The following CXXC1 variants were observed in gnomAD, a reference collection of about 807,000 sequenced individuals.
The protein encoded by CXXC1 is CXXC finger protein 1.
A neutral mutation model predicts 83.6 loss-of-function variants in CXXC1; 21 were observed. The observed-to-expected ratio is 0.25, with a 90% confidence interval of 0.18 to 0.36. CXXC1 has a LOEUF of 0.36. Ranked by LOEUF, CXXC1 falls within the 10% of genes least tolerant of loss-of-function variation. CXXC1 has a pLI of 1.00. For missense variants in CXXC1, 688 were observed against 919.5 expected (o/e 0.75, Z 3.26); for synonymous variants, 371 against 337.5 (o/e 1.10, Z -1.09).
At chr18:50,286,883 C>A in intron 1 of CXXC1, 25 bp from the exon 2 acceptor site, 1 of 1,512,380 alleles carries the variant, frequency 6.6e-7, no homozygotes, top group Non-Finnish European at 9.2e-7. Flanking sequence ...CATTACGGAT[C>A]CTTAAGCAGC....
chr18:50,286,270 G>C lies in CXXC1; in HGVS notation c.224-13C>G, dbSNP rs761035877. 1 of 1,588,646 alleles carries C rather than the reference G, an allele frequency of 6.3e-7. No homozygotes were observed. ...TTGGGGTCTTTCTCTGTGGGGCAGAGAGTAGGGCCAAAGTGAGTGAGCACT... is the reference window on the plus strand; with the variant it reads ...TTGGGGTCTTTCTCTGTGGGGCAGACAGTAGGGCCAAAGTGAGTGAGCACT... On this transcript the variant is annotated splice_polypyrimidine_tract_variant and intron_variant, in intron 3 of 14. Transcript: ENST00000285106.
Position 50,286,337 on chromosome 18 carries a change from C to T in CXXC1, c.224-80G>A, listed in dbSNP as rs1038071656. The T allele has an allele frequency of 6.7e-6, 9 of 1,349,476 alleles. No individual in the cohort carries two copies. In the African/African-American group the frequency reaches 1.2e-4, roughly 17 times the overall value. The allele number at this position is 1,349,476 out of a possible 1,614,324, so 83.6% of individuals were successfully genotyped here. A position where few individuals can be genotyped will look rare whatever the true frequency, so the allele number is the denominator to read the frequency against. On this transcript the variant is annotated intron_variant, in intron 3 of 14. Transcript: ENST00000285106. ...CCCAAAACCTCTTTCTTCCTCTTCG[C>T]TCCCTTACTGACCCACCCACCTACT...
rs1209551947 is a variant in CXXC1, at chr18:50,285,767, C to T, written c.621G>A (p.Gln207=). ...NKIRQKCRLR[Q]CQLRARESYK... is the part of the protein sequence containing the mutation. ...TGCTCACCCGGGCCCGCAGCTGGCA[C>T]TGGCGCAGCCGGCACTTCTGCCGGA... The change falls in exon 5 of 15, where the codon CAG becomes CAA. Residue 207 remains glutamine (Q), a synonymous_variant. Transcript: ENST00000285106. This position sits in a 1 kb window ranked among gnomAD's most constrained non-coding sequence, Gnocchi z 4.4. The T allele has an allele frequency of 1.9e-6, 3 of 1,613,450 alleles. No individual in the cohort carries two copies. The African/African-American group carries it at 4.0e-5, about 22-fold the overall frequency.
At chr18:50,283,397 G>C (rs767485856) in intron 12 of CXXC1, 36 bp from the exon 13 acceptor site, 2 of 1,602,000 alleles carry the variant, frequency 1.2e-6, no homozygotes, top group African/African-American at 2.7e-5. Context: ...GTAGAGGGAG[G>C]GAAGGGAGGT....
rs1285935860 is a variant in CXXC1 at position 50,286,839 on chromosome 18, G to A, written c.23C>T (p.Pro8Leu). The A allele has an allele frequency of 6.2e-7, 1 of 1,613,512 alleles. No homozygotes were observed. Among genetic ancestry groups the A allele is most frequent in the Non-Finnish European group, 8.5e-7 (1 of 1,179,542 alleles). The part of the protein sequence containing the change: MEGDGSD[P>L]EPPDAGEDSK... The stretch of plus-strand genomic sequence containing the variant: ...GTCCTCCCCGGCATCTGGAGGCTCT[G>A]GGTCTGAACCATCTCCCTCCTGCAG... The change falls in exon 2 of 15, where the codon CCA (proline) becomes CTA (leucine). Residue 8 changes from proline (P) to leucine (L), a missense_variant. Transcript: ENST00000285106.
chr18:50,285,208 G>T lies in CXXC1; in HGVS notation c.706C>A (p.Arg236Ser). The T allele has an allele frequency of 6.2e-7, 1 of 1,614,166 alleles. No homozygotes were observed. The highest frequency in any genetic ancestry group is 8.5e-7 in the Non-Finnish European group (1 of 1,180,018). The change falls in exon 7 of 15, where the codon CGC (arginine) becomes AGC (serine). Residue 236 changes from arginine (R) to serine (S), a missense_variant. Physicochemically the swap from Arg to Ser is moderately radical, Grantham distance 110. This residue lies in a region of CXXC1 where 190 missense variants were observed against 199.7 expected (regional missense o/e 0.95). Transcript: ENST00000285106. This position sits in a 1 kb window ranked among gnomAD's most constrained non-coding sequence, Gnocchi z 4.4. Reference sequence around the variant, plus strand: ...TGCTGTTGGGTGGGCAGTGGCCGGCGGGGCCTTGGCAGGGACTCTGAGGGC... The same window carrying T: ...TGCTGTTGGGTGGGCAGTGGCCGGCTGGGCCTTGGCAGGGACTCTGAGGGC... ...VTPSESLPRP[R>S]RPLPTQQQPQ...
chr18:50,284,053 G>A lies in CXXC1; in HGVS notation c.1254C>T (p.Ser418=). 1.2e-6 allele frequency: 2 copies of A among 1,611,018 alleles called. No homozygotes were observed. Among genetic ancestry groups the A allele is most frequent in the Non-Finnish European group, 1.7e-6 (2 of 1,179,798 alleles). Reference sequence around the variant, plus strand: ...TGCCGTGCTCTTCAGCAATGCAAGGGCTCTGCTGCCACTGCTGGATGCGCT... The same window carrying A: ...TGCCGTGCTCTTCAGCAATGCAAGGACTCTGCTGCCACTGCTGGATGCGCT... ...LPQRIQQWQQ[S]PCIAEEHGKK... The change falls in exon 10 of 15, where the codon AGC becomes AGT. Residue 418 remains serine (S), a synonymous_variant. Coordinates refer to ENST00000285106, the MANE Select transcript of CXXC1 (RefSeq NM_014593.4).
In CXXC1 at chr18:50,285,861, C is replaced by T. The variant is rs940369047; in HGVS notation, c.527G>A (p.Arg176Gln). 16 of 1,614,084 alleles carry T rather than the reference C, an allele frequency of 9.9e-6. No homozygotes were observed. In the Admixed American group the frequency reaches 1.5e-4, roughly 15 times the overall value. Residue 176 changes from arginine to glutamine, a missense_variant, in exon 5 of 15, where the codon CGG (arginine) becomes CAG (glutamine). Arg to Gln is a conservative substitution (Grantham distance 43, BLOSUM62 1). This residue lies in a region of CXXC1 where 35 missense variants were observed against 92.2 expected (regional missense o/e 0.38). Transcript: ENST00000285106. This position sits in a 1 kb window ranked among gnomAD's most constrained non-coding sequence, Gnocchi z 4.4. The stretch of plus-strand genomic sequence containing the variant: ...ACAGTGACCACAGTCCTCAGTGCGC[C>T]GACATGCCTCACACTCACCACACAT... ...ARMCGECEAC[R>Q]RTEDCGHCDF...
intron 9 of CXXC1, 43 bp downstream of exon 9, chr18:50,284,335 C>T: frequency 6.6e-7 from 1 of 1,517,576 alleles, no homozygotes; most frequent in Non-Finnish European, 8.8e-7. Context: ...CAGGCCCTAC[C>T]ATGCACTTCC....
chr18:50,283,756 G>T lies in CXXC1; in HGVS notation c.1473C>A (p.His491Gln). 6.2e-7 allele frequency: 1 copy of T among 1,614,240 alleles called. No homozygotes were observed. The stretch of plus-strand genomic sequence containing the variant: ...GCAAGGCAACACGTGGGTTGATGGG[G>T]TGCCCACAGGAAACACAGAAGATCT... ...DLQIFCVSCG[H>Q]PINPRVALRH... The change falls in exon 11 of 15, where the codon CAC (histidine) becomes CAA (glutamine). Residue 491 changes from histidine (H) to glutamine (Q), a missense_variant. Physicochemically the swap from His to Gln is conservative, Grantham distance 24 (BLOSUM62 0). Around this residue, in one of 9 missense-constraint regions of CXXC1, gnomAD observed 19 missense variants for 64.1 expected, o/e 0.30. Transcript: ENST00000285106.
chr18:50,284,195 G>C, intron 9 of CXXC1, 94 bp from the exon 10 acceptor site: 5 of 1,471,016 alleles, frequency 3.4e-6, no homozygotes, highest in Non-Finnish European at 4.7e-6. Context: ...AAGTAAATAG[G>C]TGACTGGCGG....
Position 50,282,448 on chromosome 18 carries a change from C to T in CXXC1, c.*145G>A. 4 of 1,023,698 alleles carry T rather than the reference C, an allele frequency of 3.9e-6. No individual in the cohort carries two copies. The highest frequency in any genetic ancestry group is 1.9e-5 in the Admixed American group (1 of 52,826). 63.4% of individuals were successfully genotyped at this position (1,023,698 alleles called of 1,614,324 possible). A position where few individuals can be genotyped will look rare whatever the true frequency, so the allele number is the denominator to read the frequency against. Reference sequence around the variant, plus strand: ...CACTGAACATGTCGACGGGGACAGTCCCTCTGATAAAGGCAGATGGGCGGT... The same window carrying T: ...CACTGAACATGTCGACGGGGACAGTTCCTCTGATAAAGGCAGATGGGCGGT... On this transcript the variant is annotated 3_prime_UTR_variant, in exon 15 of 15. Transcript: ENST00000285106. The surrounding 1 kb of genome is among the most constrained non-coding windows in gnomAD (Gnocchi z 5.8).
Position 50,285,942 on chromosome 18 carries a change from C to A in CXXC1, c.460-14G>T, listed in dbSNP as rs1253233653. 6.2e-7 allele frequency: 1 copy of A among 1,613,698 alleles called. No homozygotes were observed. Among genetic ancestry groups the A allele is most frequent in the East Asian group, 2.2e-5 (1 of 44,896 alleles). On this transcript the variant is annotated splice_polypyrimidine_tract_variant and intron_variant, in intron 4 of 14. Transcript: ENST00000285106. This position sits in a 1 kb window ranked among gnomAD's most constrained non-coding sequence, Gnocchi z 4.4. Reference sequence around the variant, plus strand: ...CTGCTGGTGATGCTGCAGGAGGGGGCCCAGAACAGAAATCATGGACCCAGG... The same window carrying A: ...CTGCTGGTGATGCTGCAGGAGGGGGACCAGAACAGAAATCATGGACCCAGG...
chr18:50,287,075 G>A (rs1278398727), intron 1 of CXXC1: 7 of 574,916 alleles, frequency 1.2e-5, no homozygotes, highest in African/African-American at 1.9e-5. Flanking sequence ...CGCACCCACC[G>A]ACACCCGCTC....
At chr18:50,283,082 G>A (rs1482437516) in intron 13 of CXXC1, 76 bp from the exon 14 acceptor site, 6 of 1,516,710 alleles carry the variant, frequency 4.0e-6, no homozygotes, top group Middle Eastern at 3.4e-4. Context: ...GGAGGGAGAA[G>A]GAAAAGAATG....
rs186032116 is a variant in CXXC1, at chr18:50,282,381, G to A, written c.*212C>T. Reference sequence around the variant, plus strand: ...TCAAAATTTTATTAACAAAACCCAGGGAGAGGAGGCAAGGATGAGTGGACT... The same window carrying A: ...TCAAAATTTTATTAACAAAACCCAGAGAGAGGAGGCAAGGATGAGTGGACT... On this transcript the variant is annotated 3_prime_UTR_variant, in exon 15 of 15. Transcript: ENST00000285106. This position sits in a 1 kb window ranked among gnomAD's most constrained non-coding sequence, Gnocchi z 5.8. 7 of 616,588 alleles carry A rather than the reference G, an allele frequency of 1.1e-5. No individual in the cohort carries two copies. Among genetic ancestry groups the A allele is most frequent in the African/African-American group, 1.1e-4 (6 of 55,018 alleles). 38.2% of individuals were successfully genotyped at this position (616,588 alleles called of 1,614,324 possible). A position where few individuals can be genotyped will look rare whatever the true frequency, so the allele number is the denominator to read the frequency against.
At position 50,282,543 on chromosome 18, in the gene CXXC1, G is replaced by C. The variant is rs199820431; in HGVS notation, c.*50C>G. 2 of 1,593,900 alleles carry C rather than the reference G, an allele frequency of 1.3e-6. No homozygotes were observed. Among genetic ancestry groups the C allele is most frequent in the East Asian group, 2.2e-5 (1 of 44,744 alleles). On this transcript the variant is annotated 3_prime_UTR_variant, in exon 15 of 15. Transcript: ENST00000285106. The surrounding 1 kb of genome is among the most constrained non-coding windows in gnomAD (Gnocchi z 5.8). ...GGAGGAACGGACACACGGGCACCGG[G>C]CGGCTCCCCCATCTGGAATGCAGGG... is the stretch of plus-strand genomic sequence containing the variant.
Position 50,284,559 on chromosome 18 carries a change from C to G in CXXC1, c.1024G>C (p.Glu342Gln), listed in dbSNP as rs1320158219. Residue 342 changes from glutamate to glutamine, a missense_variant, in exon 9 of 15, where the codon GAG becomes CAG. Glu to Gln is a conservative substitution (Grantham distance 29). This residue lies in a region of CXXC1 where 190 missense variants were observed against 199.7 expected (regional missense o/e 0.95). Transcript: ENST00000285106. ...TGCCGATGCCGCTTGTATCGCTCCT[C>G]CTTCTGTTGAGCAAGACAAGTCAGG... ...RREKKSEKKK[E>Q]ERYKRHRQKQ... 4 of 1,584,706 alleles carry G rather than the reference C, an allele frequency of 2.5e-6. No individual in the cohort carries two copies. Among genetic ancestry groups the G allele is most frequent in the Non-Finnish European group, 3.4e-6 (4 of 1,163,780 alleles).
chr18:50,286,903 G>A (rs1343008814), intron 1 of CXXC1, 45 bp from the exon 2 acceptor site: 2 of 1,358,568 alleles, frequency 1.5e-6, no homozygotes, highest in Non-Finnish European at 2.1e-6. Context: ...CCCCCACCGT[G>A]GCGGCTCATC....
Sources: allele counts gnomAD v4.1 joint callset, GRCh38; gene constraint gnomAD v4.1.1; regional missense constraint gnomAD v4.1.1; non-coding constraint Gnocchi (gnomAD v3.1); transcripts MANE v1.5; gene names NCBI Gene and HGNC (gene_info 2026-07-23, HGNC 2026-07-21).